SULT2B1: variants seen among roughly 807,000 people sequenced by gnomAD.
The protein encoded by SULT2B1 is sulfotransferase 2B1.
A neutral mutation model predicts 33.2 loss-of-function variants in SULT2B1; 16 were observed. The ratio of observed to expected loss-of-function variants is 0.48; its 90% CI spans 0.33 to 0.73. The LOEUF (loss-of-function observed/expected upper bound fraction) is 0.73. Among genes scored for constraint, SULT2B1 ranks in the 30% least tolerant of loss-of-function variants. SULT2B1 has a pLI of 0.02. For synonymous variants in SULT2B1, 186 were observed against 200.5 expected, an observed-to-expected ratio of 0.93 and a Z score of 0.61; for missense variants, 500 against 506.0, an observed-to-expected ratio of 0.99 and a Z score of 0.11.
chr19:48,564,239 T>G (rs1601089795), intron 1 of SULT2B1, among the ~76,000 whole-genome samples: 1 of 136,270 alleles, frequency 7.3e-6, no homozygotes, highest in Non-Finnish European at 1.6e-5. Context: ...AGCAAGACTC[T>G]GTCTCAAAAA....
intron 1 of SULT2B1, among the ~76,000 whole-genome samples, chr19:48,574,293 C>G (rs962491563): frequency 6.6e-6 from 1 of 152,184 alleles, no homozygotes; most frequent in Admixed American, 6.6e-5. Flanking sequence ...CCTTCCTACA[C>G]TCATTCAATC....
chr19:48,562,220 C>G (rs914508015), intron 1 of SULT2B1, among the ~76,000 whole-genome samples: 9 of 152,098 alleles, frequency 5.9e-5, no homozygotes, highest in Admixed American at 2.0e-4. Flanking sequence ...AACCCCGTTT[C>G]TACTAAAAAT....
chr19:48,592,006 G>A (rs1973649999), intron 4 of SULT2B1, among the ~76,000 whole-genome samples: 1 of 151,834 alleles, frequency 6.6e-6, no homozygotes, highest in Admixed American at 6.6e-5. Context: ...CAACAAAAGA[G>A]ACAGGGGCCC....
Position 48,594,834 on chromosome 19 carries a change from C to A in SULT2B1, c.646-1905C>A, listed in dbSNP as rs1307793020. On this transcript the variant is annotated intron_variant, in intron 5 of 6. Coordinates refer to ENST00000201586, the MANE Select transcript of SULT2B1 (RefSeq NM_177973.2). ...AGGAGTTCGAGATCAGCCTGGCCAA[C>A]GTGGTGAAATCCTGTCTCTATTAAA... is the stretch of plus-strand genomic sequence containing the variant. 2.0e-5 allele frequency among the ~76,000 whole-genome samples: 3 copies of A among 152,068 alleles called. No individual in the cohort carries two copies. In the East Asian group the frequency reaches 5.8e-4, roughly 29 times the overall value.
intron 6 of SULT2B1, among the ~76,000 whole-genome samples, chr19:48,598,577 C>T (rs1973754099): frequency 6.6e-6 from 1 of 152,048 alleles, no homozygotes. Context: ...GAGCGAGACT[C>T]CATCTCAAAA....
rs1442369429 is a variant in SULT2B1, at chr19:48,596,770, G to C, written c.677G>C (p.Gly226Ala). The change falls in exon 6 of 7, where the codon GGG becomes GCG. Residue 226 changes from glycine to alanine, a missense_variant. Coordinates refer to ENST00000201586, the MANE Select transcript of SULT2B1 (RefSeq NM_177973.2). ...CAGGGCTCCGTGGAGCGCATCTGTG[G>C]GTTCCTGGGCCGTCCGCTGGGCAAG... ...DLQGSVERIC[G>A]FLGRPLGKEA... 1.2e-6 allele frequency: 2 copies of C among 1,607,954 alleles called. No homozygotes were observed.
At chr19:48,598,131 CTT>C (rs1973745125) in intron 6 of SULT2B1, among the ~76,000 whole-genome samples, 7 of 152,146 alleles carry the variant, frequency 4.6e-5, no homozygotes. Flanking sequence ...TGGAGGGAGT[CTT>C]TATTCAGCCC....
intron 1 of SULT2B1, among the ~76,000 whole-genome samples, chr19:48,571,777 C>A (rs1973332555): frequency 6.6e-6 from 1 of 151,948 alleles, no homozygotes; most frequent in Non-Finnish European, 1.5e-5. Context: ...TGATGGTAGG[C>A]AGAGCAGGGG....
chr19:48,565,201 C>T (rs1973229217), intron 1 of SULT2B1, among the ~76,000 whole-genome samples: 1 of 152,064 alleles, frequency 6.6e-6, no homozygotes, highest in African/African-American at 2.4e-5. Flanking sequence ...GCTGGGATTA[C>T]AGGCATGAGT....
At chr19:48,594,562 T>A (rs1322027600) in intron 5 of SULT2B1, among the ~76,000 whole-genome samples, 1 of 152,194 alleles carries the variant, frequency 6.6e-6, no homozygotes, top group African/African-American at 2.4e-5. Flanking sequence ...GGGCTGCCCC[T>A]GGGTGTGAGG....
chr19:48,590,090 C>T (rs1212361387), intron 3 of SULT2B1, among the ~76,000 whole-genome samples: 3 of 152,056 alleles, frequency 2.0e-5, no homozygotes, highest in East Asian at 3.9e-4. Flanking sequence ...AGGGTTCAAG[C>T]GATTCTCTTG....
chr19:48,577,362 T>G (rs1973428002), intron 2 of SULT2B1, among the ~76,000 whole-genome samples: 1 of 112,380 alleles, frequency 8.9e-6, no homozygotes, highest in Non-Finnish European at 1.8e-5. Flanking sequence ...CTTTTTTTTT[T>G]TTTTTTTTTT....
At chr19:48,562,617 TTTTA>T (rs1973196777) in intron 1 of SULT2B1, among the ~76,000 whole-genome samples, 1 of 152,096 alleles carries the variant, frequency 6.6e-6, no homozygotes, top group Admixed American at 6.6e-5. Flanking sequence ...ATTATTATTA[TTTTA>T]TTTATAGATC....
chr19:48,578,287 T>C (rs1030606330), intron 2 of SULT2B1, among the ~76,000 whole-genome samples: 1 of 151,724 alleles, frequency 6.6e-6, no homozygotes, highest in African/African-American at 2.4e-5. Context: ...ACAATCAATT[T>C]TAGAATATTT....
At position 48,592,708 on chromosome 19, in the gene SULT2B1, C is replaced by T. The variant is rs1315986313; in HGVS notation, c.551-14C>T. ...GCCACTCAGCCCTCACCCCACTTGTCCCTCTGCCCACAGTGCAGTTTGGCT... is the reference window on the plus strand; with the variant it reads ...GCCACTCAGCCCTCACCCCACTTGTTCCTCTGCCCACAGTGCAGTTTGGCT... On this transcript the variant is annotated splice_polypyrimidine_tract_variant and intron_variant, in intron 4 of 6. Coordinates refer to ENST00000201586, the MANE Select transcript of SULT2B1 (RefSeq NM_177973.2). 1 of 1,578,422 alleles carries T rather than the reference C, an allele frequency of 6.3e-7. No homozygotes were observed. Among genetic ancestry groups the T allele is most frequent in the South Asian group, 1.2e-5 (1 of 86,222 alleles).
rs779491595 is a variant in SULT2B1, at chr19:48,596,860, A to G, written c.767A>G (p.Asn256Ser). 4 of 1,608,678 alleles carry G rather than the reference A, an allele frequency of 2.5e-6. No homozygotes were observed. The highest frequency in any genetic ancestry group is 3.4e-6 in the Non-Finnish European group (4 of 1,179,756). ...GCCATGAAGGCCAACACCATGTCCA[A>G]CTACACGCTGCTGCCTCCCAGCCTG... Reference protein sequence around the residue: ...FSAMKANTMSNYTLLPPSLLD... With the variant: ...FSAMKANTMSSYTLLPPSLLD... Residue 256 changes from asparagine (N) to serine (S), a missense_variant, in exon 6 of 7, where the codon AAC becomes AGC. Asn to Ser is a conservative substitution (Grantham distance 46). Transcript: ENST00000201586.
rs866168990 is a variant in SULT2B1, at chr19:48,596,977, G to T, written c.826+58G>T. 2.6e-4 allele frequency: 381 copies of T among 1,484,350 alleles called. 1 individual carries two copies. The Middle Eastern group carries it at 5.5e-3, about 22-fold the overall frequency. 91.9% of individuals were successfully genotyped at this position (1,484,350 alleles called of 1,614,324 possible). A position where few individuals can be genotyped will look rare whatever the true frequency, so the allele number is the denominator to read the frequency against. On this transcript the variant is annotated intron_variant, in intron 6 of 6. Coordinates refer to ENST00000201586, the MANE Select transcript of SULT2B1 (RefSeq NM_177973.2). ...GCCACTGCCCGGCTGTGTGACCTGG[G>T]AGAGTTACTTAACCTCTCTGGGCCT...
intron 2 of SULT2B1, among the ~76,000 whole-genome samples, chr19:48,586,178 C>T (rs1973559429): frequency 6.6e-6 from 1 of 152,128 alleles, no homozygotes; most frequent in African/African-American, 2.4e-5. Flanking sequence ...GCTGTGATCA[C>T]ACCACTGCAC....
chr19:48,596,367 C>A (rs567569201), intron 5 of SULT2B1: 2 of 204,758 alleles, frequency 9.8e-6, no homozygotes, highest in Non-Finnish European at 2.0e-5. Context: ...CTGTCTCTAA[C>A]CTGAAGGAGG....
Sources: gnomAD v4.1 joint callset for allele counts (sites outside exome capture counted in the v4.1 genomes callset) on GRCh38, gnomAD v4.1.1 for gene constraint, MANE v1.5 for transcripts, NCBI Gene and HGNC (gene_info 2026-07-23, HGNC 2026-07-21) for gene names.